VTI1A: variants seen among roughly 807,000 people sequenced by gnomAD.
The protein encoded by VTI1A is vesicle transport through interaction with t-SNAREs homolog 1A.
A neutral mutation model predicts 34.9 loss-of-function variants in VTI1A; 22 were observed. The ratio of observed to expected loss-of-function variants is 0.63; its 90% CI spans 0.45 to 0.90. The LOEUF (loss-of-function observed/expected upper bound fraction) is 0.90. VTI1A is among the 40% of genes least tolerant of loss of function. VTI1A has a pLI of 0.00. For missense variants in VTI1A, 268 were observed against 275.6 expected, an observed-to-expected ratio of 0.97 and a Z score of 0.20; for synonymous variants, 87 against 97.3, an observed-to-expected ratio of 0.89 and a Z score of 0.62.
intron 7 of VTI1A, among the ~76,000 whole-genome samples, chr10:112,751,958 A>G (rs1005285675): frequency 6.6e-6 from 1 of 152,224 alleles, no homozygotes; most frequent in Non-Finnish European, 1.5e-5. Flanking sequence ...TAATAGCTAC[A>G]ACTTACCTAG....
chr10:112,490,953 AC>A (rs1418184765), intron 3 of VTI1A, among the ~76,000 whole-genome samples: 1 of 137,842 alleles, frequency 7.3e-6, no homozygotes. Flanking sequence ...CCCCCTGCCC[AC>A]CCTCCCCTAC....
At chr10:112,479,891 C>G (rs573616286) in intron 3 of VTI1A, among the ~76,000 whole-genome samples, 2 of 152,234 alleles carry the variant, frequency 1.3e-5, no homozygotes, top group South Asian at 4.2e-4. Context: ...ATTTGTATGC[C>G]TTTTATCCAG....
chr10:112,847,362 G>A, the VTI1A span, among the ~76,000 whole-genome samples: 9 of 152,168 alleles, frequency 5.9e-5, no homozygotes, highest in East Asian at 5.8e-4. Context: ...CAAGCAGACC[G>A]AATTTCCTAG....
At chr10:112,605,952 A>T (rs1014360014) in intron 5 of VTI1A, among the ~76,000 whole-genome samples, 1 of 152,172 alleles carries the variant, frequency 6.6e-6, no homozygotes, top group African/African-American at 2.4e-5. Flanking sequence ...TGTGAGTCAA[A>T]CAAAACTCTT....
intron 5 of VTI1A, among the ~76,000 whole-genome samples, chr10:112,573,066 A>G (rs959006265): frequency 2.0e-5 from 3 of 151,982 alleles, no homozygotes; most frequent in African/African-American, 7.3e-5. Context: ...AGGTTTATTC[A>G]GGGGTGACAG....
At chr10:112,637,813 C>G (rs1461261024) in intron 5 of VTI1A, among the ~76,000 whole-genome samples, 1 of 152,034 alleles carries the variant, frequency 6.6e-6, no homozygotes, top group Non-Finnish European at 1.5e-5. Context: ...TATGATTGAC[C>G]TAAAAGTTCT....
At chr10:112,568,058 T>A (rs534815828) in intron 5 of VTI1A, among the ~76,000 whole-genome samples, 2 of 152,226 alleles carry the variant, frequency 1.3e-5, no homozygotes, top group Non-Finnish European at 2.9e-5. Flanking sequence ...CCAGATTTCA[T>A]TTTGGAGCCC....
chr10:112,782,297 G>A (rs1315932377), intron 7 of VTI1A, among the ~76,000 whole-genome samples: 1 of 152,262 alleles, frequency 6.6e-6, no homozygotes, highest in African/African-American at 2.4e-5. Context: ...AGCACTGAGA[G>A]TGGAACACTA....
intron 3 of VTI1A, among the ~76,000 whole-genome samples, chr10:112,501,191 G>A (rs1849221066): frequency 6.6e-6 from 1 of 152,120 alleles, no homozygotes; most frequent in Non-Finnish European, 1.5e-5. Flanking sequence ...ACAGATGGAT[G>A]AATATAGAAC....
intron 5 of VTI1A, among the ~76,000 whole-genome samples, chr10:112,539,813 A>T (rs1309009582): frequency 6.6e-6 from 1 of 152,198 alleles, no homozygotes; most frequent in Non-Finnish European, 1.5e-5. Context: ...CACATATACA[A>T]ATATAAATAT....
intron 7 of VTI1A, among the ~76,000 whole-genome samples, chr10:112,722,671 T>C (rs1849855594): frequency 6.6e-6 from 1 of 152,176 alleles, no homozygotes; most frequent in South Asian, 2.1e-4. Context: ...CAGCCCTTGT[T>C]GCTCGTGAGA....
rs1200048960 is a variant in VTI1A at position 112,736,854 on chromosome 10, G to A, written c.560+67856G>A. On this transcript the variant is annotated intron_variant, in intron 7 of 7. Coordinates refer to ENST00000393077, the MANE Select transcript of VTI1A (RefSeq NM_145206.4). ...GCCTTCTCACTGAAAGAGCTGCCCT[G>A]GACGGAAAATGAGTAGTGAGATGAT... The A allele has an allele frequency of 3.2e-6, 3 of 935,272 alleles. No individual in the cohort carries two copies. In the African/African-American group the frequency reaches 4.9e-5, roughly 15 times the overall value. The allele number at this position is 935,272 out of a possible 1,614,324, so 57.9% of individuals were successfully genotyped here. A position where few individuals can be genotyped will look rare whatever the true frequency, so the allele number is the denominator to read the frequency against.
Position 112,654,686 on chromosome 10 carries a change from G to C in VTI1A, c.428-13532G>C, listed in dbSNP as rs1432511843. 2.0e-5 allele frequency among the ~76,000 whole-genome samples: 3 copies of C among 152,120 alleles called. No individual in the cohort carries two copies. The East Asian group carries it at 5.8e-4, about 29-fold the overall frequency. On this transcript the variant is annotated intron_variant, in intron 5 of 7. Transcript: ENST00000393077. ...TTTTTTGTATTTTTAGTAGAGACGG[G>C]GTTTCACCGTGGGCTCGATCTCCTG...
intron 7 of VTI1A, among the ~76,000 whole-genome samples, chr10:112,681,333 A>C (rs1848210685): frequency 6.6e-6 from 1 of 152,100 alleles, no homozygotes; most frequent in Admixed American, 6.5e-5. Flanking sequence ...CTCTTGCCTC[A>C]GCCCCCCAAA....
rs1221281276 is a variant in VTI1A, at chr10:112,461,490, G to T, written c.153+908G>T. 2.0e-5 allele frequency among the ~76,000 whole-genome samples: 3 copies of T among 152,276 alleles called. No homozygotes were observed. In the South Asian group the frequency reaches 6.2e-4, roughly 32 times the overall value. ...GAGACTTAGAAAGATGAAGTAACTT[G>T]TTGGAGGTCCCAAATCCTGTTAAGT... On this transcript the variant is annotated intron_variant, in intron 2 of 7. Coordinates refer to ENST00000393077, the MANE Select transcript of VTI1A (RefSeq NM_145206.4).
intron 7 of VTI1A, among the ~76,000 whole-genome samples, chr10:112,785,637 C>T (rs1191569269): frequency 1.3e-5 from 2 of 152,042 alleles, no homozygotes. Flanking sequence ...TATAGTTTAG[C>T]CTTTACATTT....
chr10:112,450,155 G>A (rs553978098), intron 1 of VTI1A: 2 of 152,256 alleles, frequency 1.3e-5, no homozygotes, highest in Non-Finnish European at 2.9e-5. Context: ...GCCTCCCAAA[G>A]TGCTGGGATT....
intron 7 of VTI1A, among the ~76,000 whole-genome samples, chr10:112,731,975 T>C (rs940391647): frequency 6.6e-6 from 1 of 152,180 alleles, no homozygotes; most frequent in East Asian, 1.9e-4. Flanking sequence ...TGTCACACCA[T>C]TAGAAATTAT....
chr10:112,588,810 A>G (rs1025210438), intron 5 of VTI1A, among the ~76,000 whole-genome samples: 1 of 152,192 alleles, frequency 6.6e-6, no homozygotes, highest in Non-Finnish European at 1.5e-5. Context: ...ATTAACTTCC[A>G]TGCACGTCAT....
Sources: allele counts gnomAD v4.1 joint callset (sites outside exome capture counted in the v4.1 genomes callset), GRCh38; gene constraint gnomAD v4.1.1; transcripts MANE v1.5; gene names NCBI Gene and HGNC (gene_info 2026-07-23, HGNC 2026-07-21).